Variants in TNS1 observed in about 807,000 individuals in gnomAD.
TNS1 encodes the protein tensin 1.
In TNS1, 62 loss-of-function variants were observed where a neutral mutation model predicts 168.6. That is an observed-to-expected ratio of 0.37 (90% CI 0.30 to 0.45). The LOEUF (loss-of-function observed/expected upper bound fraction) is 0.45. Among genes scored for constraint, TNS1 ranks in the 20% least tolerant of loss-of-function variants. The pLI is 1.00. For synonymous variants in TNS1, 934 were observed against 933.2 expected, an observed-to-expected ratio of 1.00 and a Z score of -0.02; for missense variants, 2,240 against 2,339.4, an observed-to-expected ratio of 0.96 and a Z score of 0.88.
At chr2:217,973,032 T>C (rs958207815) in intron 3 of TNS1, among the ~76,000 whole-genome samples, 21 of 152,160 alleles carry the variant, frequency 1.4e-4, no homozygotes, top group African/African-American at 5.1e-4. Context: ...AAAGCTGCTG[T>C]ATACACACAG....
At chr2:217,857,294 C>A (rs188642453) in intron 18 of TNS1, among the ~76,000 whole-genome samples, 32 of 152,236 alleles carry the variant, frequency 2.1e-4, no homozygotes, top group South Asian at 8.3e-4. Context: ...CCTGCCCACC[C>A]CTCACTTTAT....
At chr2:217,820,527 T>A (rs1574622508) in intron 23 of TNS1, among the ~76,000 whole-genome samples, 1 of 152,114 alleles carries the variant, frequency 6.6e-6, no homozygotes, top group South Asian at 2.1e-4. Flanking sequence ...CAATGTAGAC[T>A]GTGCAGCAAA....
At chr2:217,809,380 G>GATGGATGGATGGATGGATGC (rs1559140409) in intron 30 of TNS1, among the ~76,000 whole-genome samples, 1 of 89,670 alleles carries the variant, frequency 1.1e-5, no homozygotes, top group Non-Finnish European at 2.3e-5. Context: ...TGGATGCATG[G>GATGGATGGATGGATGGATGC]ATGGATGGAT....
upstream of TNS1, among the ~76,000 whole-genome samples, chr2:218,004,327 G>C (rs757519701): frequency 4.5e-4 from 69 of 152,240 alleles, no homozygotes; most frequent in Non-Finnish European, 8.7e-4. Context: ...TGCTATACAT[G>C]CCCTGGGGCC....
intron 3 of TNS1, among the ~76,000 whole-genome samples, chr2:217,925,779 A>T (rs1955990067): frequency 6.6e-6 from 1 of 151,454 alleles, no homozygotes; most frequent in Admixed American, 6.6e-5. Flanking sequence ...ACATCCTCAC[A>T]CTCACTAGCC....
At chr2:218,021,723 G>C (rs1196951003) in intron 1 of TNS1, among the ~76,000 whole-genome samples, 2 of 152,222 alleles carry the variant, frequency 1.3e-5, no homozygotes, top group Non-Finnish European at 2.9e-5. Context: ...AGGGTAGGGG[G>C]AAGGCCTCAG....
upstream of TNS1, among the ~76,000 whole-genome samples, chr2:218,005,905 C>T (rs1340937079): frequency 6.6e-6 from 1 of 152,236 alleles, no homozygotes; most frequent in Admixed American, 6.5e-5. Flanking sequence ...TTCCCAAGCT[C>T]TAGCCAGCTG....
At position 217,920,197 on chromosome 2, in the gene TNS1, C is replaced by G. The variant is rs1278668965; in HGVS notation, c.226G>C (p.Val76Leu). The change falls in exon 4 of 33, where the codon GTG (valine) becomes CTG (leucine). Residue 76 changes from valine (V) to leucine (L), a missense_variant and splice_region_variant. This residue lies in a region of TNS1 where 2,131 missense variants were observed against 2,171.2 expected (regional missense o/e 0.98). Coordinates refer to ENST00000682258, the MANE Select transcript of TNS1 (RefSeq NM_001387777.1). Reference protein sequence around the residue: ...PCVPPSNHELVPITTENAPKN... With the variant: ...PCVPPSNHELLPITTENAPKN... ...GGCAAGGAAGGGCTGTCACTCACCA[C>G]CAGCTCATGGTTGGATGGAGGAACG... 1.0e-5 allele frequency: 7 copies of G among 703,038 alleles called. No homozygotes were observed. In the South Asian group the frequency reaches 1.0e-4, roughly 10 times the overall value. The allele number at this position is 703,038 out of a possible 1,614,324, so 43.5% of individuals were successfully genotyped here.
chr2:217,815,547 TCCATC>T (rs1373859172), intron 24 of TNS1, among the ~76,000 whole-genome samples: 1 of 152,138 alleles, frequency 6.6e-6, no homozygotes, highest in East Asian at 1.9e-4. Context: ...GGCCTCCTCA[TCCATC>T]CCCTATCCCC....
chr2:217,971,464 T>C (rs1285104997), intron 3 of TNS1, among the ~76,000 whole-genome samples: 1 of 152,244 alleles, frequency 6.6e-6, no homozygotes, highest in African/African-American at 2.4e-5. Flanking sequence ...TCTTTATCCA[T>C]TTACCTGTCA....
intron 1 of TNS1, among the ~76,000 whole-genome samples, chr2:217,996,459 C>A (rs1294019857): frequency 2.6e-5 from 4 of 152,088 alleles, no homozygotes; most frequent in Non-Finnish European, 4.4e-5. Context: ...CACCTCAAAT[C>A]CCAGCTTCCT....
chr2:217,900,105 G>A (rs968910629), intron 7 of TNS1, among the ~76,000 whole-genome samples: 15 of 152,114 alleles, frequency 9.9e-5, no homozygotes, highest in East Asian at 5.8e-4. Flanking sequence ...AGCCCTAAAC[G>A]CAAATCCAAG....
chr2:217,874,984 T>C (rs1228876739), intron 18 of TNS1, among the ~76,000 whole-genome samples: 2 of 152,206 alleles, frequency 1.3e-5, no homozygotes, highest in African/African-American at 4.8e-5. Context: ...CAGCTTCTCA[T>C]CCTCTATGCA....
chr2:217,844,364 T>A (rs910263268), intron 19 of TNS1, among the ~76,000 whole-genome samples: 9 of 152,116 alleles, frequency 5.9e-5, no homozygotes, highest in African/African-American at 2.2e-4. Flanking sequence ...GTTCCCCCCA[T>A]GAAACCACAG....
Position 217,824,327 on chromosome 2 carries a change from A to G in TNS1, c.3374-2389T>C, listed in dbSNP as rs139567108. 5.7e-4 allele frequency among the ~76,000 whole-genome samples: 87 copies of G among 152,292 alleles called. 1 individual carries two copies. The East Asian group carries it at 0.014, about 24-fold the overall frequency. ...TAGCACCAAAGTCTCCAGACTCACAAGCTGGCTCTGGGTGACCTAGACAGG... is the reference window on the plus strand; with the variant it reads ...TAGCACCAAAGTCTCCAGACTCACAGGCTGGCTCTGGGTGACCTAGACAGG... On this transcript the variant is annotated intron_variant, in intron 22 of 32. Transcript: ENST00000682258.
chr2:217,972,825 A>G (rs1957802417), intron 3 of TNS1, among the ~76,000 whole-genome samples: 1 of 152,214 alleles, frequency 6.6e-6, no homozygotes, highest in Admixed American at 6.5e-5. Flanking sequence ...CATTTTTCAA[A>G]ATGTATCCAG....
chr2:217,847,491 A>C lies in TNS1; in HGVS notation c.3007+19T>G. On this transcript the variant is annotated intron_variant, in intron 19 of 32. Transcript: ENST00000682258. ...AAATAAGGAAGGGGTAGAAGGAGTC[A>C]GGACTGAATACCTCTTACCTGCTAC... 1.4e-6 allele frequency: 2 copies of C among 1,424,806 alleles called. No individual in the cohort carries two copies. The highest frequency in any genetic ancestry group is 1.9e-6 in the Non-Finnish European group (2 of 1,080,282). 88.3% of individuals were successfully genotyped at this position (1,424,806 alleles called of 1,614,324 possible).
intron 4 of TNS1, among the ~76,000 whole-genome samples, chr2:217,917,120 C>T (rs549074624): frequency 6.6e-6 from 1 of 152,342 alleles, no homozygotes; most frequent in East Asian, 1.9e-4. Context: ...TTCCCACTCC[C>T]CAGGGACAGT....
chr2:217,824,101 T>C (rs1328354725), intron 22 of TNS1, among the ~76,000 whole-genome samples: 1 of 152,204 alleles, frequency 6.6e-6, no homozygotes, highest in Non-Finnish European at 1.5e-5. Context: ...ACTCTGCTGT[T>C]GTGGTGTGAC....
Sources: gnomAD v4.1 joint callset for allele counts (sites outside exome capture counted in the v4.1 genomes callset) on GRCh38, gnomAD v4.1.1 for gene constraint, gnomAD v4.1.1 regional missense constraint, MANE v1.5 for transcripts, NCBI Gene and HGNC (gene_info 2026-07-23, HGNC 2026-07-21) for gene names.